GABRB1: variants seen among roughly 807,000 people sequenced by gnomAD.
GABRB1 encodes the protein gamma-aminobutyric acid receptor subunit beta-1.
GABRB1 carries 17 observed loss-of-function variants against 51.6 expected under a neutral mutation model. The ratio of observed to expected loss-of-function variants is 0.33; its 90% CI spans 0.23 to 0.49. The LOEUF (loss-of-function observed/expected upper bound fraction) is 0.49. GABRB1 is among the 20% of genes least tolerant of loss of function. The probability of loss-of-function intolerance (pLI) is 0.99; values close to 1 mark genes in which losing one functional copy is unlikely to be tolerated. For missense variants in GABRB1, 410 were observed against 600.6 expected, an observed-to-expected ratio of 0.68 and a Z score of 3.32; for synonymous variants, 247 against 218.9, an observed-to-expected ratio of 1.13 and a Z score of -1.14.
chr4:47,022,373 T>G (rs1394538222), intron 1 of GABRB1, among the ~76,000 whole-genome samples: 1 of 152,114 alleles, frequency 6.6e-6, no homozygotes, highest in Admixed American at 6.6e-5. Flanking sequence ...TCATTTTTCC[T>G]CAGAATTTTA....
chr4:47,077,164 C>A (rs1308101430), intron 3 of GABRB1, among the ~76,000 whole-genome samples: 1 of 152,154 alleles, frequency 6.6e-6, no homozygotes, highest in Non-Finnish European at 1.5e-5. Context: ...TGAAATAGGG[C>A]TCTATCGAAA....
At chr4:47,101,400 G>T (rs1264408540) in intron 3 of GABRB1, among the ~76,000 whole-genome samples, 1 of 151,940 alleles carries the variant, frequency 6.6e-6, no homozygotes, top group Non-Finnish European at 1.5e-5. Context: ...ATGAAAAAAG[G>T]ACCATTAGAG....
At chr4:47,069,712 C>G (rs1727235242) in intron 3 of GABRB1, among the ~76,000 whole-genome samples, 1 of 152,208 alleles carries the variant, frequency 6.6e-6, no homozygotes, top group African/African-American at 2.4e-5. Context: ...AACAACTTTT[C>G]TGATAGGTTA....
intron 3 of GABRB1, among the ~76,000 whole-genome samples, chr4:47,057,215 G>GA (rs1235278376): frequency 6.6e-6 from 1 of 152,154 alleles, no homozygotes; most frequent in Non-Finnish European, 1.5e-5. Flanking sequence ...ATGATCTGAG[G>GA]AATCTAGACC....
chr4:47,224,916 CAG>C (rs1560592848), intron 4 of GABRB1, among the ~76,000 whole-genome samples: 1 of 151,972 alleles, frequency 6.6e-6, no homozygotes, highest in Non-Finnish European at 1.5e-5. Context: ...GTTTTTGAGA[CAG>C]AGTTTCATTC....
At chr4:47,269,423 T>A (rs1722768379) in intron 4 of GABRB1, among the ~76,000 whole-genome samples, 1 of 152,184 alleles carries the variant, frequency 6.6e-6, no homozygotes, top group African/African-American at 2.4e-5. Flanking sequence ...AATTAAATAA[T>A]GAGAACCATT....
At chr4:47,250,319 T>C (rs1206046336) in intron 4 of GABRB1, among the ~76,000 whole-genome samples, 2 of 152,230 alleles carry the variant, frequency 1.3e-5, no homozygotes, top group African/African-American at 4.8e-5. Flanking sequence ...CTGAGAAATC[T>C]GCTGTTAATC....
At chr4:47,385,073 C>T (rs572588163) in intron 5 of GABRB1, among the ~76,000 whole-genome samples, 17 of 152,292 alleles carry the variant, frequency 1.1e-4, no homozygotes, top group African/African-American at 3.8e-4. Context: ...TTGCCTACAA[C>T]CAAACAAATG....
chr4:46,998,205 A>G (rs1167066118), intron 1 of GABRB1, among the ~76,000 whole-genome samples: 2 of 152,312 alleles, frequency 1.3e-5, no homozygotes, highest in South Asian at 2.1e-4. Context: ...CAAAATTGTG[A>G]CAATACTATT....
rs1163924467 is a variant in GABRB1 at position 47,159,157 on chromosome 4, C to A, written c.241-2092C>A. On this transcript the variant is annotated intron_variant, in intron 3 of 8. Coordinates refer to ENST00000295454, the MANE Select transcript of GABRB1 (RefSeq NM_000812.4). ...AAATAGCCAGGTGTGATGGTGCATG[C>A]CTGTAGTCCCAAGTACTTGAAAGGC... is the stretch of plus-strand genomic sequence containing the variant. Among the ~76,000 whole-genome samples the A allele has an allele frequency of 2.8e-4, 43 of 151,630 alleles. 1 individual carries two copies. The highest frequency in any genetic ancestry group is 2.8e-3 in the Admixed American group (43 of 15,202).
At chr4:47,295,102 A>T (rs981420810) in intron 4 of GABRB1, among the ~76,000 whole-genome samples, 2 of 152,200 alleles carry the variant, frequency 1.3e-5, no homozygotes, top group Non-Finnish European at 2.9e-5. Context: ...ACAAAAACCC[A>T]TCTGTACATC....
intron 4 of GABRB1, among the ~76,000 whole-genome samples, chr4:47,283,416 C>T (rs1350476275): frequency 1.4e-4 from 14 of 99,610 alleles, no homozygotes; most frequent in African/African-American, 5.4e-4. Flanking sequence ...GACAGAGTCT[C>T]AGTCTGTCAC....
chr4:47,163,830 A>G (rs1718062137), intron 4 of GABRB1, among the ~76,000 whole-genome samples: 1 of 151,980 alleles, frequency 6.6e-6, no homozygotes, highest in African/African-American at 2.4e-5. Context: ...AAAAAAAGTG[A>G]TTGGATGAAA....
chr4:47,300,810 A>G (rs939453065), intron 4 of GABRB1, among the ~76,000 whole-genome samples: 2 of 152,148 alleles, frequency 1.3e-5, no homozygotes, highest in African/African-American at 4.8e-5. Flanking sequence ...ACAGCTTTCC[A>G]TTCCACTGAA....
At chr4:47,267,547 C>T (rs555927029) in intron 4 of GABRB1, among the ~76,000 whole-genome samples, 277 of 152,166 alleles carry the variant, frequency 1.8e-3, no homozygotes, top group African/African-American at 6.2e-3. Flanking sequence ...GTAATCTCAG[C>T]ACCTTGTGAG....
chr4:47,095,687 A>G (rs1197595535), intron 3 of GABRB1, among the ~76,000 whole-genome samples: 2 of 152,248 alleles, frequency 1.3e-5, no homozygotes, highest in African/African-American at 4.8e-5. Context: ...CTCTCTTGAA[A>G]TATCACTGAT....
At chr4:47,347,066 G>C (rs990006946) in intron 5 of GABRB1, among the ~76,000 whole-genome samples, 1 of 152,052 alleles carries the variant, frequency 6.6e-6, no homozygotes, top group Non-Finnish European at 1.5e-5. Flanking sequence ...TGGATCACTC[G>C]AGGTCAGGAG....
At chr4:47,119,412 A>T (rs530299698) in intron 3 of GABRB1, among the ~76,000 whole-genome samples, 2 of 152,148 alleles carry the variant, frequency 1.3e-5, no homozygotes, top group Non-Finnish European at 2.9e-5. Flanking sequence ...AAGTTTATTA[A>T]ATTTGACCAC....
chr4:47,075,869 G>T (rs1480796023), intron 3 of GABRB1, among the ~76,000 whole-genome samples: 1 of 152,126 alleles, frequency 6.6e-6, no homozygotes, highest in Non-Finnish European at 1.5e-5. Flanking sequence ...AAATGCAGGA[G>T]TCATGAAAGC....
Sources: gnomAD v4.1 joint callset for allele counts (sites outside exome capture counted in the v4.1 genomes callset) on GRCh38, gnomAD v4.1.1 for gene constraint, MANE v1.5 for transcripts, NCBI Gene and HGNC (gene_info 2026-07-23, HGNC 2026-07-21) for gene names.